CEMIP: variants seen among roughly 807,000 people sequenced by gnomAD.
CEMIP encodes the protein cell migration inducing hyaluronidase 1.
In CEMIP, 105 loss-of-function variants were observed where a neutral mutation model predicts 156.9. The ratio of observed to expected loss-of-function variants is 0.67; its 90% CI spans 0.57 to 0.79. The LOEUF is 0.79. Ranked by LOEUF, CEMIP falls within the 30% of genes least tolerant of loss-of-function variation. The pLI, the probability that CEMIP is intolerant of heterozygous loss-of-function variation, is 0.00. For synonymous variants in CEMIP, 676 were observed against 668.4 expected, an observed-to-expected ratio of 1.01 and a Z score of -0.17; for missense variants, 1,457 against 1,769.4, an observed-to-expected ratio of 0.82 and a Z score of 3.17.
chr15:80,878,246 A>G (rs8037012), intron 3 of CEMIP, among the ~76,000 whole-genome samples: 2,657 of 152,342 alleles, frequency 0.017, 81 homozygotes, highest in African/African-American at 0.061. Context: ...AACAATTTAT[A>G]TAATACTATC....
At chr15:80,913,476 G>C (rs1440958246) in intron 14 of CEMIP, among the ~76,000 whole-genome samples, 1 of 117,908 alleles carries the variant, frequency 8.5e-6, no homozygotes, top group Non-Finnish European at 1.8e-5. Flanking sequence ...TGAGGTAAAA[G>C]AGCATAGAGT....
chr15:80,844,371 T>A (rs899923984), intron 1 of CEMIP, among the ~76,000 whole-genome samples: 28 of 152,176 alleles, frequency 1.8e-4, no homozygotes, highest in Non-Finnish European at 1.8e-4. Flanking sequence ...GCAAAGGCCA[T>A]TTTTTAAAAA....
intron 12 of CEMIP, chr15:80,897,407 T>C (rs969220612): frequency 2.2e-5 from 10 of 452,846 alleles, no homozygotes; most frequent in African/African-American, 6.0e-5. Flanking sequence ...TTAACACTCA[T>C]GGGGGAGGCG....
At chr15:80,812,150 A>T (rs1896687207) in intron 1 of CEMIP, among the ~76,000 whole-genome samples, 1 of 152,164 alleles carries the variant, frequency 6.6e-6, no homozygotes, top group Admixed American at 6.5e-5. Context: ...AGTAGCTGGG[A>T]TTACAGGCGC....
rs1898551436 is a variant in CEMIP, at chr15:80,878,786, C to T, written c.160C>T (p.His54Tyr). The change falls in exon 4 of 30, where the codon CAC becomes TAC. Residue 54 changes from histidine (H) to tyrosine (Y), a missense_variant. Transcript: ENST00000394685. Reference sequence around the variant, plus strand: ...CTGGAACCCTGGCCATGACCAAGACCACCATGTGCATATCGGCCAGGGCAA... The same window carrying T: ...CTGGAACCCTGGCCATGACCAAGACTACCATGTGCATATCGGCCAGGGCAA... ...QPWNPGHDQD[H>Y]HVHIGQGKTL... 1 of 1,614,182 alleles carries T rather than the reference C, an allele frequency of 6.2e-7. No individual in the cohort carries two copies. Among genetic ancestry groups the T allele is most frequent in the Non-Finnish European group, 8.5e-7 (1 of 1,180,030 alleles).
chr15:80,812,938 A>G (rs139340761), intron 1 of CEMIP, among the ~76,000 whole-genome samples: 1 of 152,314 alleles, frequency 6.6e-6, no homozygotes, highest in African/African-American at 2.4e-5. Flanking sequence ...TTGAAAATGC[A>G]GAGTTGGACA....
chr15:80,846,384 C>A (rs1897557816), intron 1 of CEMIP, among the ~76,000 whole-genome samples: 1 of 152,196 alleles, frequency 6.6e-6, no homozygotes, highest in Non-Finnish European at 1.5e-5. Context: ...TTTCCTCCCC[C>A]AGGAAAACCT....
At chr15:80,872,013 C>T (rs1898310633) in intron 1 of CEMIP, among the ~76,000 whole-genome samples, 1 of 152,130 alleles carries the variant, frequency 6.6e-6, no homozygotes, top group Non-Finnish European at 1.5e-5. Flanking sequence ...ATCGTTTCCT[C>T]CCTCCCCCGG....
In CEMIP at chr15:80,791,663, A is replaced by G. The variant is rs760301503; in HGVS notation, c.-176+12049A>G. 3.2e-4 allele frequency among the ~76,000 whole-genome samples: 49 copies of G among 152,186 alleles called. 1 individual carries two copies. The highest frequency in any genetic ancestry group is 5.7e-4 in the Non-Finnish European group (39 of 68,036). ...GGACCGATGCATCCCTGTTTGCTGT[A>G]TGCAGTCTCAGGGCTGGGGTGAGGA... On this transcript the variant is annotated intron_variant, in intron 1 of 29. Transcript: ENST00000394685.
Position 80,948,782 on chromosome 15 carries a change from A to G in CEMIP, c.3959-15A>G, listed in dbSNP as rs1596217491. 1 of 1,614,024 alleles carries G rather than the reference A, an allele frequency of 6.2e-7. No individual in the cohort carries two copies. The highest frequency in any genetic ancestry group is 8.5e-7 in the Non-Finnish European group (1 of 1,180,004). On this transcript the variant is annotated splice_polypyrimidine_tract_variant and intron_variant, in intron 29 of 29. Transcript: ENST00000394685. The stretch of plus-strand genomic sequence containing the variant: ...CATAGGGCTTTTGCTCAGGAGACTC[A>G]TCATTGCTTTTCAGAGCAAATGGCA...
chr15:80,855,842 C>T (rs528562298), intron 1 of CEMIP, among the ~76,000 whole-genome samples: 2 of 152,180 alleles, frequency 1.3e-5, no homozygotes. Flanking sequence ...TTTTTGCTCC[C>T]AAATCCCATT....
At chr15:80,847,836 A>G (rs1897600827) in intron 1 of CEMIP, among the ~76,000 whole-genome samples, 1 of 152,330 alleles carries the variant, frequency 6.6e-6, no homozygotes, top group South Asian at 2.1e-4. Flanking sequence ...GATGGAAATC[A>G]GTGTCCCTGC....
intron 1 of CEMIP, among the ~76,000 whole-genome samples, chr15:80,792,438 G>A (rs1896104748): frequency 6.6e-6 from 1 of 152,152 alleles, no homozygotes; most frequent in Non-Finnish European, 1.5e-5. Flanking sequence ...TCTACCTCCT[G>A]CACTGGTTAG....
chr15:80,874,172 T>C (rs778143469), intron 3 of CEMIP, among the ~76,000 whole-genome samples, 199 bp downstream of exon 3: 86 of 152,300 alleles, frequency 5.6e-4, no homozygotes, highest in Non-Finnish European at 1.0e-3. Flanking sequence ...ATCCACAAAA[T>C]GAAGGGGTTG....
chr15:80,784,272 T>G (rs1335906476), intron 1 of CEMIP, among the ~76,000 whole-genome samples: 1 of 152,172 alleles, frequency 6.6e-6, no homozygotes, highest in Non-Finnish European at 1.5e-5. Flanking sequence ...CCATTAGACA[T>G]TTTCTGTTAC....
At chr15:80,890,444 G>T (rs903262480) in intron 10 of CEMIP, among the ~76,000 whole-genome samples, 7 of 150,010 alleles carry the variant, frequency 4.7e-5, no homozygotes, top group African/African-American at 1.7e-4. Flanking sequence ...AAAAAAATTA[G>T]CTTGGTGTGG....
intron 28 of CEMIP, chr15:80,946,343 G>A (rs1337625827): frequency 1.3e-5 from 2 of 155,566 alleles, no homozygotes; most frequent in East Asian, 3.8e-4. Flanking sequence ...TGCAGATCTT[G>A]TAAAAATGCA....
At chr15:80,896,470 AG>A in intron 12 of CEMIP, 1 of 409,202 alleles carries the variant, frequency 2.4e-6, no homozygotes, top group South Asian at 1.8e-5. Context: ...CAACACAAAT[AG>A]GCTAGGGAAG....
At chr15:80,829,638 T>G (rs1309013291) in intron 1 of CEMIP, among the ~76,000 whole-genome samples, 1 of 152,232 alleles carries the variant, frequency 6.6e-6, no homozygotes, top group Non-Finnish European at 1.5e-5. Flanking sequence ...TTTCAGCCAG[T>G]GCAACTGCTC....
Sources: allele counts gnomAD v4.1 joint callset (sites outside exome capture counted in the v4.1 genomes callset), GRCh38; gene constraint gnomAD v4.1.1; transcripts MANE v1.5; gene names NCBI Gene and HGNC (gene_info 2026-07-23, HGNC 2026-07-21).